PCNX1: variants seen among roughly 807,000 people sequenced by gnomAD.
PCNX1 encodes pecanex-like protein 1.
In PCNX1, 78 loss-of-function variants were observed where a neutral mutation model predicts 242.2. The observed-to-expected ratio is 0.32, with a 90% CI of 0.27 to 0.39. The LOEUF (loss-of-function observed/expected upper bound fraction) is 0.39. PCNX1 is among the 10% of genes least tolerant of loss of function. The pLI, the probability that PCNX1 is intolerant of heterozygous loss-of-function variation, is 1.00. For synonymous variants in PCNX1, 1,024 were observed against 1,032.9 expected, an observed-to-expected ratio of 0.99 and a Z score of 0.17; for missense variants, 2,581 against 2,856.5, an observed-to-expected ratio of 0.90 and a Z score of 2.20.
chr14:71,034,509 C>T (rs1326595794), intron 18 of PCNX1, among the ~76,000 whole-genome samples: 1 of 152,082 alleles, frequency 6.6e-6, no homozygotes, highest in Non-Finnish European at 1.5e-5. Context: ...GAACAATAAC[C>T]TGTATTAATG....
At chr14:71,077,286 T>TA (rs1246802458) in intron 28 of PCNX1, among the ~76,000 whole-genome samples, 1 of 152,222 alleles carries the variant, frequency 6.6e-6, no homozygotes, top group African/African-American at 2.4e-5. Context: ...CCAAGGCCTG[T>TA]GATTACAAAG....
At chr14:71,000,812 C>T (rs1427550203) in intron 8 of PCNX1, among the ~76,000 whole-genome samples, 7 of 152,206 alleles carry the variant, frequency 4.6e-5, no homozygotes, top group Admixed American at 4.6e-4. Flanking sequence ...AGGCATGAGC[C>T]ACCATGCCCG....
chr14:71,031,777 T>C (rs925037014), intron 16 of PCNX1: 51 of 1,433,554 alleles, frequency 3.6e-5, no homozygotes, highest in Non-Finnish European at 5.0e-5. Flanking sequence ...CTCAGCCTCT[T>C]CCTACCAGTG....
intron 1 of PCNX1, among the ~76,000 whole-genome samples, chr14:70,930,025 C>T (rs1445748312): frequency 1.3e-5 from 2 of 152,054 alleles, no homozygotes. Context: ...TACATCCTCA[C>T]ATTTATTTGT....
chr14:71,028,881 CT>C (rs1348738402), intron 16 of PCNX1, 90 bp downstream of exon 16: 1 of 688,862 alleles, frequency 1.5e-6, no homozygotes, highest in Non-Finnish European at 2.5e-6. Flanking sequence ...ATTTCTTCCC[CT>C]GGTATCGCTT....
intron 2 of PCNX1, among the ~76,000 whole-genome samples, chr14:70,953,143 G>A (rs1252396864): frequency 1.3e-5 from 2 of 152,130 alleles, no homozygotes; most frequent in Non-Finnish European, 2.9e-5. Context: ...GCTAGGTATG[G>A]TGGTGTGCAC....
chr14:71,079,939 CTT>C (rs1270707365), intron 28 of PCNX1, among the ~76,000 whole-genome samples: 2 of 152,164 alleles, frequency 1.3e-5, no homozygotes, highest in Admixed American at 6.5e-5. Flanking sequence ...GTCATGAAGT[CTT>C]TGCCTATGCC....
In PCNX1 at chr14:71,069,741, C is replaced by T. The variant is rs556683144; in HGVS notation, c.4853-3804C>T. ...AATAAATGCTAAGGATGATCTGAGC[C>T]TTCAGTGAGTTGTAATCTTTTTGCT... On this transcript the variant is annotated intron_variant, in intron 26 of 35. Coordinates refer to ENST00000304743, the MANE Select transcript of PCNX1 (RefSeq NM_014982.3). Among the ~76,000 whole-genome samples the T allele has an allele frequency of 2.6e-5, 4 of 152,252 alleles. No homozygotes were observed. In the South Asian group the frequency reaches 8.3e-4, roughly 32 times the overall value.
At chr14:70,938,871 T>C (rs1460692084) in intron 1 of PCNX1, among the ~76,000 whole-genome samples, 1 of 152,210 alleles carries the variant, frequency 6.6e-6, no homozygotes, top group Non-Finnish European at 1.5e-5. Flanking sequence ...GGTGTATGTG[T>C]CCAGGAATTT....
chr14:70,930,649 A>G (rs2056761990), intron 1 of PCNX1, among the ~76,000 whole-genome samples: 1 of 152,224 alleles, frequency 6.6e-6, no homozygotes, highest in Non-Finnish European at 1.5e-5. Context: ...AGGTAGGCTC[A>G]AGTTCCAATA....
intron 30 of PCNX1, among the ~76,000 whole-genome samples, chr14:71,099,284 G>A (rs994046634): frequency 3.3e-5 from 5 of 150,930 alleles, no homozygotes; most frequent in African/African-American, 9.8e-5. Flanking sequence ...TCAGCCTCCC[G>A]ATTAGCTGGG....
chr14:71,078,341 T>G (rs2061768726), intron 28 of PCNX1, among the ~76,000 whole-genome samples: 1 of 152,216 alleles, frequency 6.6e-6, no homozygotes, highest in African/African-American at 2.4e-5. Context: ...GACTCCAAAC[T>G]GTAGTGCCCT....
intron 16 of PCNX1, chr14:71,031,749 G>T: frequency 8.1e-7 from 1 of 1,240,000 alleles, no homozygotes; most frequent in Non-Finnish European, 1.2e-6. Context: ...TCACATCAAC[G>T]ACATTTTTGG....
At position 70,910,060 on chromosome 14, in the gene PCNX1, CT is replaced by C. The variant is rs1566808367; in HGVS notation, c.153+2058del. ...CCTCCTCCTCCTCCTCCTCCTCCTC[CT>C]CCCCCTCCTCCTCCTCCTCCTCCTC... is the stretch of plus-strand genomic sequence containing the variant. On this transcript the variant is annotated intron_variant, in intron 1 of 35. Coordinates refer to ENST00000304743, the MANE Select transcript of PCNX1 (RefSeq NM_014982.3). 1.8e-3 allele frequency among the ~76,000 whole-genome samples: 178 copies of C among 100,338 alleles called. 28 individuals are homozygous for C. Among genetic ancestry groups the C allele is most frequent in the South Asian group, 3.0e-3 (6 of 2,018 alleles). The allele number at this position is 100,338 out of a possible 152,430, so 65.8% of individuals were successfully genotyped here.
intron 1 of PCNX1, among the ~76,000 whole-genome samples, chr14:70,919,669 A>AATAAGT (rs1180206362): frequency 2.2e-5 from 3 of 138,886 alleles, no homozygotes; most frequent in Non-Finnish European, 4.6e-5. Flanking sequence ...CTATAGATGA[A>AATAAGT]ATAAGTAGCT....
intron 11 of PCNX1, 85 bp from the exon 12 acceptor site, chr14:71,018,924 T>A: frequency 8.6e-7 from 1 of 1,166,038 alleles, no homozygotes; most frequent in Middle Eastern, 2.5e-4. Context: ...ATGAACTTCA[T>A]ATTTATGTCT....
At chr14:71,028,140 A>G (rs2060286614) in intron 15 of PCNX1, among the ~76,000 whole-genome samples, 1 of 151,714 alleles carries the variant, frequency 6.6e-6, no homozygotes, top group African/African-American at 2.4e-5. Flanking sequence ...TATCTATTTC[A>G]TTGTTGTTGC....
At chr14:71,093,330 AAAAAG>A (rs1445426835) in intron 30 of PCNX1, 2 of 149,184 alleles carry the variant, frequency 1.3e-5, no homozygotes, top group Non-Finnish European at 3.0e-5. Context: ...GCAAAAAAAA[AAAAAG>A]GGTGATGAAG....
At chr14:70,908,095 C>A in intron 1 of PCNX1, 92 bp downstream of exon 1, 1 of 1,258,354 alleles carries the variant, frequency 7.9e-7, no homozygotes, top group Non-Finnish European at 1.1e-6. Context: ...CACGGGGTCT[C>A]GTCCCCCGGG....
Sources: gnomAD v4.1 joint callset for allele counts (sites outside exome capture counted in the v4.1 genomes callset) on GRCh38, gnomAD v4.1.1 for gene constraint, MANE v1.5 for transcripts, NCBI Gene and HGNC (gene_info 2026-07-23, HGNC 2026-07-21) for gene names.